The following ANO3 variants were observed in gnomAD, a reference collection of about 807,000 sequenced individuals.
ANO3 encodes anoctamin 3.
ANO3 carries 99 observed loss-of-function variants against 144.8 expected under a neutral mutation model. The observed-to-expected ratio is 0.68, with a 90% confidence interval of 0.58 to 0.81. ANO3 has a LOEUF of 0.81. ANO3 is among the 30% of genes least tolerant of loss of function. ANO3 has a pLI of 0.00. For missense variants in ANO3, 905 were observed against 1,202.2 expected (o/e 0.75, Z 3.66); for synonymous variants, 414 against 392.6 (o/e 1.05, Z -0.64).
chr11:26,232,169 A>G (rs1416041868), intron 1 of ANO3, among the ~76,000 whole-genome samples: 1 of 152,154 alleles, frequency 6.6e-6, no homozygotes, highest in Non-Finnish European at 1.5e-5. Flanking sequence ...TATTTAGCAC[A>G]AGATTTGTCA....
intron 1 of ANO3, among the ~76,000 whole-genome samples, chr11:26,421,170 A>G (rs922965131): frequency 1.3e-5 from 2 of 152,048 alleles, no homozygotes; most frequent in African/African-American, 2.4e-5. Context: ...GGAAATTAAT[A>G]TCACCTACAG....
chr11:26,595,707 G>T (rs1226997557), intron 14 of ANO3, among the ~76,000 whole-genome samples: 3 of 152,094 alleles, frequency 2.0e-5, no homozygotes, highest in Non-Finnish European at 4.4e-5. Context: ...AATTAAGATT[G>T]AAATCCCCTG....
chr11:26,453,614 C>A (rs2134042128), intron 3 of ANO3, among the ~76,000 whole-genome samples: 1 of 152,090 alleles, frequency 6.6e-6, no homozygotes, highest in East Asian at 1.9e-4. Flanking sequence ...GACTTAGACT[C>A]CCACACATTA....
chr11:26,449,005 T>G (rs930941750), intron 3 of ANO3, among the ~76,000 whole-genome samples: 5 of 152,144 alleles, frequency 3.3e-5, no homozygotes, highest in Admixed American at 2.6e-4. Flanking sequence ...ATCCCATCAT[T>G]TCTGTGCTCC....
intron 4 of ANO3, among the ~76,000 whole-genome samples, chr11:26,482,433 T>C (rs1860259857): frequency 3.0e-5 from 1 of 33,812 alleles, no homozygotes; most frequent in South Asian, 9.6e-4. Flanking sequence ...TATATGTGTG[T>C]GTGTGTGTGT....
intron 1 of ANO3, among the ~76,000 whole-genome samples, chr11:26,405,626 C>T (rs1260020801): frequency 6.6e-6 from 1 of 151,724 alleles, no homozygotes; most frequent in Non-Finnish European, 1.5e-5. Flanking sequence ...TCATTGTGAC[C>T]CAGAACTTAT....
intron 26 of ANO3, among the ~76,000 whole-genome samples, chr11:26,658,130 G>A (rs1047504722): frequency 1.8e-4 from 27 of 152,106 alleles, no homozygotes; most frequent in Admixed American, 1.7e-3. Context: ...AATCCATTTG[G>A]TAAGAGATAG....
At chr11:26,398,318 G>A (rs1444154344) in intron 1 of ANO3, among the ~76,000 whole-genome samples, 1 of 151,990 alleles carries the variant, frequency 6.6e-6, no homozygotes. Flanking sequence ...ATATAATCAA[G>A]GAGAATGAGT....
chr11:26,544,273 T>TATATATATATATATATACACACAC lies in ANO3; in HGVS notation c.1154+2206_1154+2207insTATATATATATATATACACACACA. Reference sequence around the variant, plus strand: ...ATACATATATATATATATATATATATACACACATACACACACACACACACA... The same window carrying TATATATATATATATATACACACAC: ...ATACATATATATATATATATATATATATATATATATATATATACACACACACACACATACACACACACACACACA... On this transcript the variant is annotated intron_variant, in intron 11 of 26. Transcript: ENST00000256737. Among the ~76,000 whole-genome samples, 358 of 58,382 alleles carry TATATATATATATATATACACACAC rather than the reference T, an allele frequency of 6.1e-3. 11 individuals carry two copies. The East Asian group carries it at 0.065, about 11-fold the overall frequency. 38.3% of individuals were successfully genotyped at this position (58,382 alleles called of 152,430 possible). A position where few individuals can be genotyped will look rare whatever the true frequency, so the allele number is the denominator to read the frequency against.
At chr11:26,497,537 T>G (rs909486580) in intron 4 of ANO3, among the ~76,000 whole-genome samples, 7 of 152,102 alleles carry the variant, frequency 4.6e-5, no homozygotes, top group African/African-American at 1.7e-4. Context: ...TTATTTGATT[T>G]CATGGGAAAG....
intron 17 of ANO3, among the ~76,000 whole-genome samples, chr11:26,612,658 T>C (rs1304697199): frequency 1.3e-5 from 2 of 152,088 alleles, no homozygotes; most frequent in Admixed American, 6.6e-5. Context: ...TAGCATTTTC[T>C]TTAGCATTTC....
rs527828656 is a variant in ANO3 at position 26,216,897 on chromosome 11, A to G, written c.154+27567A>G. Among the ~76,000 whole-genome samples, 426 of 152,126 alleles carry G rather than the reference A, an allele frequency of 2.8e-3. 2 individuals are homozygous for G. The highest frequency in any genetic ancestry group is 3.9e-3 in the Non-Finnish European group (264 of 67,900). ...AGCTGTCTGTTCAAATCTTTTGTGC[A>G]GTTTTTAATCATGTGGTGAGTTTTC... On this transcript the variant is annotated intron_variant, in intron 1 of 27. Coordinates refer to the ANO3 transcript ENST00000672621.
intron 13 of ANO3, among the ~76,000 whole-genome samples, chr11:26,555,696 G>A (rs1379328012): frequency 1.3e-5 from 2 of 152,108 alleles, no homozygotes; most frequent in Non-Finnish European, 2.9e-5. Flanking sequence ...ATAAAATGTA[G>A]CTACTTGTTT....
chr11:26,237,047 A>G (rs1409319461), intron 1 of ANO3, among the ~76,000 whole-genome samples: 1 of 152,030 alleles, frequency 6.6e-6, no homozygotes, highest in Non-Finnish European at 1.5e-5. Flanking sequence ...AATTCCAAGT[A>G]AGAGTAAAGC....
At chr11:26,472,738 C>T (rs1859827191) in intron 4 of ANO3, among the ~76,000 whole-genome samples, 1 of 151,832 alleles carries the variant, frequency 6.6e-6, no homozygotes, top group Non-Finnish European at 1.5e-5. Flanking sequence ...AATTTTAAAA[C>T]ACTTGTCCCT....
intron 1 of ANO3, among the ~76,000 whole-genome samples, chr11:26,241,712 T>C (rs1289080596): frequency 6.6e-6 from 1 of 152,210 alleles, no homozygotes; most frequent in East Asian, 1.9e-4. Flanking sequence ...AAGCTTATTT[T>C]AGGTAATTCC....
At chr11:26,489,219 GC>G (rs35785540) in intron 4 of ANO3, among the ~76,000 whole-genome samples, 91,561 of 151,896 alleles carry the variant, frequency 0.6, 28,197 homozygotes, top group East Asian at 0.68. Flanking sequence ...GCTGAAAGGG[GC>G]CAACGTAGAG....
intron 1 of ANO3, among the ~76,000 whole-genome samples, chr11:26,268,348 A>C (rs1388523675): frequency 3.9e-5 from 6 of 152,306 alleles, no homozygotes; most frequent in Non-Finnish European, 8.8e-5. Flanking sequence ...AGAAGACAAT[A>C]TCTCTCAATG....
intron 14 of ANO3, among the ~76,000 whole-genome samples, chr11:26,571,397 T>C (rs1478093993): frequency 6.6e-6 from 1 of 152,134 alleles, no homozygotes; most frequent in East Asian, 1.9e-4. Flanking sequence ...TTTCATTTCA[T>C]AGGATGTTTT....
Sources: allele counts gnomAD v4.1 joint callset (sites outside exome capture counted in the v4.1 genomes callset), GRCh38; gene constraint gnomAD v4.1.1; transcripts MANE v1.5; gene names NCBI Gene and HGNC (gene_info 2026-07-23, HGNC 2026-07-21).